ACTR3C: variants seen among roughly 807,000 people sequenced by gnomAD.
ACTR3C encodes actin-related protein 3C.
In ACTR3C, 18 loss-of-function variants were observed where a neutral mutation model predicts 26.3. The ratio of observed to expected loss-of-function variants is 0.68; its 90% CI spans 0.47 to 1.01. The LOEUF (loss-of-function observed/expected upper bound fraction) is 1.01, where lower values mean the gene tolerates loss of function less well. Among genes scored for constraint, ACTR3C ranks in the 50% least tolerant of loss-of-function variants. The pLI, the probability that ACTR3C is intolerant of heterozygous loss-of-function variation, is 0.00. For synonymous variants in ACTR3C, 55 were observed against 94.5 expected, an observed-to-expected ratio of 0.58 and a Z score of 2.42; for missense variants, 184 against 250.7, an observed-to-expected ratio of 0.73 and a Z score of 1.80.
At chr7:149,909,741 A>G in the ACTR3C span, 1 of 388,320 alleles carries the variant, frequency 2.6e-6, no homozygotes. Context: ...TGTTTAGATA[A>G]TAATACTCTC....
the ACTR3C span, among the ~76,000 whole-genome samples, chr7:150,106,778 G>C: frequency 7.0e-6 from 1 of 142,422 alleles, no homozygotes; most frequent in Non-Finnish European, 1.5e-5. Context: ...GTTAGAGTTG[G>C]CACCTTAGCC....
chr7:149,938,544 A>C, the ACTR3C span, among the ~76,000 whole-genome samples: 1 of 152,174 alleles, frequency 6.6e-6, no homozygotes, highest in African/African-American at 2.4e-5. Context: ...AGGTGAGGAA[A>C]CCCCCCAGAA....
chr7:150,026,763 A>T, the ACTR3C span, among the ~76,000 whole-genome samples: 1 of 152,140 alleles, frequency 6.6e-6, no homozygotes, highest in South Asian at 2.1e-4. Context: ...AGGAAAAAAA[A>T]TCTTAGAGAA....
chr7:150,153,523 A>C, the ACTR3C span, among the ~76,000 whole-genome samples: 1 of 138,954 alleles, frequency 7.2e-6, no homozygotes, highest in Admixed American at 7.3e-5. Flanking sequence ...CCGCAATGAG[A>C]TACCATCTCA....
At chr7:149,883,124 AGGTGTT>A in the ACTR3C span, among the ~76,000 whole-genome samples, 1 of 152,236 alleles carries the variant, frequency 6.6e-6, no homozygotes, top group African/African-American at 2.4e-5. Context: ...GCCTGTTGTC[AGGTGTT>A]GGTAGGAACA....
chr7:150,209,722 T>TACACACACACAC, the ACTR3C span, among the ~76,000 whole-genome samples: 339 of 129,290 alleles, frequency 2.6e-3, 2 homozygotes, highest in South Asian at 6.4e-3. Context: ...CTACTAAAAA[T>TACACACACACAC]ACACACACAC....
At chr7:149,929,192 C>T in the ACTR3C span, among the ~76,000 whole-genome samples, 1 of 151,932 alleles carries the variant, frequency 6.6e-6, no homozygotes, top group Non-Finnish European at 1.5e-5. Flanking sequence ...CTTTGGGAGG[C>T]CAAGGCGGGT....
chr7:149,979,815 G>A, the ACTR3C span, among the ~76,000 whole-genome samples: 1 of 150,510 alleles, frequency 6.6e-6, no homozygotes, highest in Non-Finnish European at 1.5e-5. Context: ...TTCATTCCCA[G>A]GGGTTTCAAC....
chr7:149,902,469 G>T, the ACTR3C span, among the ~76,000 whole-genome samples: 1 of 149,860 alleles, frequency 6.7e-6, no homozygotes, highest in Non-Finnish European at 1.5e-5. Context: ...TGAAATAATT[G>T]TTCAAGCTGG....
At chr7:149,954,713 T>C in the ACTR3C span, among the ~76,000 whole-genome samples, 5 of 152,270 alleles carry the variant, frequency 3.3e-5, no homozygotes, top group Non-Finnish European at 1.5e-5. Flanking sequence ...ACTGAGTATG[T>C]GTGGAATGAA....
chr7:150,166,815 C>A, the ACTR3C span, among the ~76,000 whole-genome samples: 1 of 150,644 alleles, frequency 6.6e-6, no homozygotes, highest in African/African-American at 2.5e-5. Flanking sequence ...CCCTCAACAC[C>A]TTTCCCAGCC....
intron 4 of ACTR3C, among the ~76,000 whole-genome samples, chr7:150,288,125 C>T (rs1315593674): frequency 7.0e-6 from 1 of 142,212 alleles, no homozygotes; most frequent in Non-Finnish European, 1.5e-5. Context: ...ACAGGGCTAC[C>T]CCACAGAGCA....
chr7:150,034,446 T>C, the ACTR3C span, among the ~76,000 whole-genome samples: 2 of 151,380 alleles, frequency 1.3e-5, no homozygotes, highest in Non-Finnish European at 3.0e-5. Flanking sequence ...TTGCTGTTGT[T>C]GGGATCCCCA....
chr7:149,923,894 A>C, the ACTR3C span, among the ~76,000 whole-genome samples: 2 of 151,954 alleles, frequency 1.3e-5, no homozygotes, highest in African/African-American at 4.8e-5. Context: ...GCTCCTCGGG[A>C]GGCTGAGGCA....
At chr7:150,259,886 A>G (rs2129609934) in intron 6 of ACTR3C, among the ~76,000 whole-genome samples, 1 of 152,324 alleles carries the variant, frequency 6.6e-6, no homozygotes. Context: ...AGGGCACCTT[A>G]AAATACCCCA....
the ACTR3C span, among the ~76,000 whole-genome samples, chr7:150,109,178 C>T: frequency 6.6e-6 from 1 of 151,786 alleles, no homozygotes; most frequent in Non-Finnish European, 1.5e-5. Flanking sequence ...ATCAATGCTC[C>T]GTTTTTAAAA....
chr7:149,997,891 C>A, the ACTR3C span, among the ~76,000 whole-genome samples: 11 of 149,476 alleles, frequency 7.4e-5, 1 homozygote, highest in African/African-American at 2.7e-4. Context: ...TTTTATGGGG[C>A]AAGAATGAGT....
the ACTR3C span, among the ~76,000 whole-genome samples, chr7:150,162,333 A>ATTTT: frequency 1.7e-3 from 251 of 151,026 alleles, no homozygotes; most frequent in Non-Finnish European, 2.6e-3. Flanking sequence ...TGCAAAAGTA[A>ATTTT]TTTTTTTTTT....
the ACTR3C span, among the ~76,000 whole-genome samples, chr7:149,938,339 T>C: frequency 1.6e-4 from 25 of 152,166 alleles, no homozygotes; most frequent in Non-Finnish European, 3.7e-4. Flanking sequence ...AATTACAAAA[T>C]AGAGAAAATG....
Sources: allele counts gnomAD v4.1 joint callset (sites outside exome capture counted in the v4.1 genomes callset), GRCh38; gene constraint gnomAD v4.1.1; transcripts MANE v1.5; gene names NCBI Gene and HGNC (gene_info 2026-07-23, HGNC 2026-07-21).